The following PCF11 variants were observed in gnomAD, a reference collection of about 807,000 sequenced individuals.
PCF11 encodes PCF11 cleavage and polyadenylation factor subunit.
PCF11 carries 19 observed loss-of-function variants against 166.1 expected under a neutral mutation model. That is an observed-to-expected ratio of 0.11 (90% CI 0.08 to 0.17). The LOEUF is 0.17. Among genes scored for constraint, PCF11 ranks in the 10% least tolerant of loss-of-function variants. The probability of loss-of-function intolerance (pLI) is 1.00; values close to 1 mark genes in which losing one functional copy is unlikely to be tolerated. For missense variants in PCF11, 1,565 were observed against 1,855.5 expected, an observed-to-expected ratio of 0.84 and a Z score of 2.88; for synonymous variants, 663 against 644.1, an observed-to-expected ratio of 1.03 and a Z score of -0.44.
chr11:83,177,919 C>T, intron 11 of PCF11, 100 bp downstream of exon 11: 2 of 447,236 alleles, frequency 4.5e-6, no homozygotes, highest in East Asian at 3.5e-5. Context: ...TCCCTTTATC[C>T]CTTTTACTGT....
chr11:83,168,528 A>C, exon 8 of PCF11: 8 of 1,614,068 alleles, frequency 5.0e-6, no homozygotes, highest in Non-Finnish European at 6.8e-6. Context: ...GTCCAGCATC[A>C]AGATTCGCCG....
exon 1 of PCF11, chr11:83,157,425 GGGGGCCGC>G: frequency 6.2e-7 from 1 of 1,603,722 alleles, no homozygotes; most frequent in Non-Finnish European, 8.5e-7. Context: ...GACCTCGGAG[GGGGGCCGC>G]GGCGCAATGT....
intron 2 of PCF11, among the ~76,000 whole-genome samples, chr11:83,161,657 C>A (rs2135416858): frequency 6.6e-6 from 1 of 152,076 alleles, no homozygotes; most frequent in Admixed American, 6.5e-5. Flanking sequence ...TTTACATTAT[C>A]CATTTAAGAA....
chr11:83,170,872 C>T (rs1860663933), intron 8 of PCF11, among the ~76,000 whole-genome samples: 1 of 152,058 alleles, frequency 6.6e-6, no homozygotes, highest in Non-Finnish European at 1.5e-5. Context: ...GAAAGTAGTC[C>T]TTCTGTTCAT....
intron 15 of PCF11, among the ~76,000 whole-genome samples, chr11:83,183,489 CTT>C (rs1397162972): frequency 4.0e-5 from 6 of 151,864 alleles, no homozygotes; most frequent in Non-Finnish European, 5.9e-5. Flanking sequence ...TAGGTATATT[CTT>C]TTTGTTGTTT....
chr11:83,171,015 C>T (rs979076872), intron 8 of PCF11, among the ~76,000 whole-genome samples: 2 of 152,218 alleles, frequency 1.3e-5, no homozygotes, highest in East Asian at 1.9e-4. Flanking sequence ...TACACAGAAT[C>T]GGTGGGGTTT....
chr11:83,180,640 A>G (rs1008766221), intron 11 of PCF11: 1 of 155,300 alleles, frequency 6.4e-6, no homozygotes, highest in Non-Finnish European at 1.4e-5. Flanking sequence ...AGAATGCCAA[A>G]GATCTAGAGA....
intron 10 of PCF11, 90 bp downstream of exon 10, chr11:83,177,294 G>A (rs1860921489): frequency 1.0e-6 from 1 of 985,622 alleles, no homozygotes; most frequent in Non-Finnish European, 1.4e-6. Context: ...TTATGATAAA[G>A]GTCCTTACAA....
At chr11:83,174,924 CA>C (rs1292228659) in intron 9 of PCF11, among the ~76,000 whole-genome samples, 7 of 152,206 alleles carry the variant, frequency 4.6e-5, no homozygotes, top group African/African-American at 1.7e-4. Context: ...TCTCTTCATT[CA>C]TGTATTCAGA....
Position 83,168,988 on chromosome 11 carries a change from C to T in PCF11, c.2653C>T (p.Pro885Ser), listed in dbSNP as rs141549874. 1.5e-3 allele frequency: 2,479 copies of T among 1,613,712 alleles called. 37 individuals carry two copies. In the African/African-American group the frequency reaches 0.03, roughly 20 times the overall value. Residue 885 changes from proline to serine, a missense_variant, in exon 8 of 16, where the codon CCT becomes TCT. Physicochemically the swap from Pro to Ser is moderately conservative, Grantham distance 74. Transcript: ENST00000298281. ...GAGGTTTGAGGGACATCGTGGTCAA[C>T]CTGTGGGTGGTCTAAGGTTTGAGGG...
chr11:83,168,840 G>A (rs752000136), exon 8 of PCF11: 83 of 1,613,668 alleles, frequency 5.1e-5, no homozygotes, highest in Non-Finnish European at 6.8e-5. Context: ...TGCGGTTTGA[G>A]GGCCCAATTG....
chr11:83,168,206 G>A (rs1375157026), intron 7 of PCF11, among the ~76,000 whole-genome samples: 1 of 152,094 alleles, frequency 6.6e-6, no homozygotes, highest in Non-Finnish European at 1.5e-5. Flanking sequence ...TAAATAACTT[G>A]CTCTCAAAAT....
At chr11:83,179,329 A>G (rs1485375571) in intron 11 of PCF11, among the ~76,000 whole-genome samples, 1 of 151,408 alleles carries the variant, frequency 6.6e-6, no homozygotes, top group East Asian at 1.9e-4. Flanking sequence ...GGCTCATTGC[A>G]ACCTCCGCCT....
At chr11:83,181,579 C>G (rs1487630977) in intron 12 of PCF11, among the ~76,000 whole-genome samples, 2 of 146,750 alleles carry the variant, frequency 1.4e-5, no homozygotes, top group Admixed American at 1.3e-4. Flanking sequence ...CTCTAAAATT[C>G]CCAGGCTCTA....
intron 1 of PCF11, among the ~76,000 whole-genome samples, chr11:83,160,659 C>G (rs1224610985): frequency 6.6e-6 from 1 of 152,130 alleles, no homozygotes; most frequent in Non-Finnish European, 1.5e-5. Context: ...AGGACAAATC[C>G]TGGTTTCCAG....
chr11:83,187,260 G>A (rs1054483293), exon 16 of PCF11: 1 of 152,132 alleles, frequency 6.6e-6, no homozygotes, highest in Non-Finnish European at 1.5e-5. Context: ...GTTTCACCAC[G>A]TTGGCCAGGC....
In PCF11 at chr11:83,181,076, C is replaced by T. The variant is rs1269426642; in HGVS notation, c.4052C>T (p.Thr1351Ile). The T allele has an allele frequency of 2.5e-6, 4 of 1,601,348 alleles. No individual in the cohort carries two copies. In the African/African-American group the frequency reaches 4.0e-5, roughly 16 times the overall value. ...TGTTACTCTTGTGGAATGAGGTTTACAACATCACAGACAGATGTTTATGCA... is the reference window on the plus strand; with the variant it reads ...TGTTACTCTTGTGGAATGAGGTTTATAACATCACAGACAGATGTTTATGCA... Residue 1351 changes from threonine to isoleucine, a missense_variant, in exon 12 of 16, where the codon ACA (threonine) becomes ATA (isoleucine). Thr to Ile is a moderately conservative substitution (Grantham distance 89, BLOSUM62 -1). This residue lies in a region of PCF11 where 81 missense variants were observed against 141.8 expected (regional missense o/e 0.57). Transcript: ENST00000298281.
intron 11 of PCF11, 153 bp from the exon 12 acceptor site, chr11:83,180,855 A>T: frequency 2.2e-6 from 1 of 459,132 alleles, no homozygotes; most frequent in Non-Finnish European, 3.9e-6. Context: ...TCACATTGTT[A>T]GAGAATAATA....
intron 15 of PCF11, among the ~76,000 whole-genome samples, chr11:83,183,909 T>C (rs545308100): frequency 8.7e-4 from 132 of 151,582 alleles, no homozygotes; most frequent in South Asian, 8.0e-3. Context: ...CCAGCACTTT[T>C]GGGAGGCCGA....
Sources: allele counts gnomAD v4.1 joint callset (sites outside exome capture counted in the v4.1 genomes callset), GRCh38; gene constraint gnomAD v4.1.1; regional missense constraint gnomAD v4.1.1; transcripts MANE v1.5; gene names NCBI Gene and HGNC (gene_info 2026-07-23, HGNC 2026-07-21).